MAST4: variants seen among roughly 807,000 people sequenced by gnomAD.
MAST4 encodes microtubule associated serine/threonine kinase family member 4, also known as microtubule-associated serine/threonine-protein kinase 4.
In MAST4, 89 loss-of-function variants were observed where a neutral mutation model predicts 162.7. The ratio of observed to expected loss-of-function variants is 0.55; its 90% CI spans 0.46 to 0.65. The LOEUF (loss-of-function observed/expected upper bound fraction) is 0.65, where lower values mean the gene tolerates loss of function less well. Ranked by LOEUF, MAST4 falls within the 30% of genes least tolerant of loss-of-function variation. MAST4 has a pLI of 0.00. For missense variants in MAST4, 3,153 were observed against 3,374.0 expected, an observed-to-expected ratio of 0.93 and a Z score of 1.62; for synonymous variants, 1,479 against 1,361.1, an observed-to-expected ratio of 1.09 and a Z score of -1.91.
rs1386965157 is a variant in MAST4 at position 66,635,975 on chromosome 5, T to TTTTTTC, written c.363+38957_363+38958insTTTTTC. Among the ~76,000 whole-genome samples the TTTTTTC allele has an allele frequency of 1.9e-4, 22 of 113,568 alleles. 1 individual carries two copies. Among genetic ancestry groups the TTTTTTC allele is most frequent in the African/African-American group, 6.6e-4 (17 of 25,794 alleles). 74.5% of individuals were successfully genotyped at this position (113,568 alleles called of 152,430 possible). On this transcript the variant is annotated intron_variant, in intron 1 of 28. Transcript: ENST00000403625. ...TTTTTTTTTTTTTTTTTTTTTTTTT[T>TTTTTTC]CGAGACAGAGTCTTGCTCTGTCACC...
At chr5:66,610,940 A>G (rs1269255284) in intron 1 of MAST4, among the ~76,000 whole-genome samples, 1 of 152,254 alleles carries the variant, frequency 6.6e-6, no homozygotes, top group Non-Finnish European at 1.5e-5. Flanking sequence ...AATGTCTCCT[A>G]CTGCTTTTCA....
intron 26 of MAST4, among the ~76,000 whole-genome samples, chr5:67,157,308 T>C (rs1036616212): frequency 7.2e-5 from 11 of 152,256 alleles, no homozygotes; most frequent in Non-Finnish European, 1.6e-4. Context: ...CTTTGGCGTA[T>C]GCCTGTAAGT....
intron 4 of MAST4, among the ~76,000 whole-genome samples, chr5:66,999,817 GGAT>G (rs766869497): frequency 2.1e-4 from 32 of 152,036 alleles, no homozygotes; most frequent in Middle Eastern, 3.4e-3. Context: ...GTATTTTCCA[GGAT>G]GATACAACCT....
At chr5:66,927,849 C>T (rs1012407893) in intron 4 of MAST4, among the ~76,000 whole-genome samples, 1 of 152,156 alleles carries the variant, frequency 6.6e-6, no homozygotes, top group African/African-American at 2.4e-5. Context: ...TTTGCAGGTT[C>T]GATTCCTACT....
At chr5:66,718,454 A>G (rs1247590975) in intron 1 of MAST4, among the ~76,000 whole-genome samples, 2 of 151,916 alleles carry the variant, frequency 1.3e-5, no homozygotes, top group African/African-American at 4.8e-5. Context: ...TGCCCAGGAG[A>G]GGCTGATATG....
chr5:66,776,793 G>A (rs1391688200), intron 2 of MAST4, among the ~76,000 whole-genome samples: 1 of 152,128 alleles, frequency 6.6e-6, no homozygotes, highest in Non-Finnish European at 1.5e-5. Context: ...AGATGCAGAA[G>A]TTACAGTGTA....
Position 67,153,489 on chromosome 5 carries a change from C to T in MAST4, c.3557C>T (p.Ala1186Val), listed in dbSNP as rs1772096792. 1 of 1,604,436 alleles carries T rather than the reference C, an allele frequency of 6.2e-7. No homozygotes were observed. Among genetic ancestry groups the T allele is most frequent in the Non-Finnish European group, 8.5e-7 (1 of 1,175,132 alleles). Reference protein sequence around the residue: ...NVEEGSPACQAGLKAGDLITH... With the variant: ...NVEEGSPACQVGLKAGDLITH... ...GAAGAAGGAAGTCCGGCATGCCAGG[C>T]AGGACTGAAGGCTGGAGATCTTATC... is the stretch of plus-strand genomic sequence containing the variant. The change falls in exon 26 of 29, where the codon GCA becomes GTA. Residue 1186 changes from alanine (A) to valine (V), a missense_variant. Coordinates refer to ENST00000403625, the MANE Select transcript of MAST4 (RefSeq NM_001164664.2).
At chr5:66,970,454 G>A (rs1014384736) in intron 4 of MAST4, among the ~76,000 whole-genome samples, 1 of 152,170 alleles carries the variant, frequency 6.6e-6, no homozygotes, top group South Asian at 2.1e-4. Flanking sequence ...AGTCTTGTGA[G>A]GTCAGATGGC....
chr5:66,616,526 G>T (rs994096985), intron 1 of MAST4, among the ~76,000 whole-genome samples: 2 of 152,290 alleles, frequency 1.3e-5, no homozygotes, highest in African/African-American at 4.8e-5. Context: ...CTCTTCCCAA[G>T]GGCCTTCTCA....
chr5:67,076,450 A>C (rs1288696760), intron 5 of MAST4, among the ~76,000 whole-genome samples: 9 of 152,228 alleles, frequency 5.9e-5, no homozygotes, highest in African/African-American at 2.2e-4. Flanking sequence ...CCTCAAATCC[A>C]GCTGTTACCC....
In MAST4 at chr5:67,142,535, T is replaced by C; in HGVS notation, c.2730+2T>C. On this transcript the variant is annotated splice_donor_variant, in intron 21 of 28. Coordinates refer to ENST00000403625, the MANE Select transcript of MAST4 (RefSeq NM_001164664.2). LOFTEE classifies it high-confidence loss of function. Reference sequence around the variant, plus strand: ...TCATGTTCACACAGGTTTTCAAAAGTAAGTGAAATGTGGCATAAACATACA... The same window carrying C: ...TCATGTTCACACAGGTTTTCAAAAGCAAGTGAAATGTGGCATAAACATACA... 1 of 1,543,852 alleles carries C rather than the reference T, an allele frequency of 6.5e-7. No individual in the cohort carries two copies. The highest frequency in any genetic ancestry group is 8.8e-7 in the Non-Finnish European group (1 of 1,133,170).
chr5:66,733,522 C>G (rs554663204), intron 1 of MAST4, among the ~76,000 whole-genome samples: 2 of 152,094 alleles, frequency 1.3e-5, no homozygotes, highest in Non-Finnish European at 2.9e-5. Flanking sequence ...TGCAGTGGTG[C>G]GATCTCGGCT....
At chr5:66,641,789 T>G (rs772028244) in intron 1 of MAST4, among the ~76,000 whole-genome samples, 5 of 152,182 alleles carry the variant, frequency 3.3e-5, no homozygotes, top group African/African-American at 1.2e-4. Flanking sequence ...TATAGAGGGT[T>G]GAAACACATT....
rs188315579 is a variant in MAST4 at position 67,109,586 on chromosome 5, C to T, written c.1357-512C>T. ...TTATCCAGCTAACACTTGAAAAAAG[C>T]ATTGCACACTTCTTACGTGTGATAA... On this transcript the variant is annotated intron_variant, in intron 10 of 28. Coordinates refer to ENST00000403625, the MANE Select transcript of MAST4 (RefSeq NM_001164664.2). 2.5e-3 allele frequency among the ~76,000 whole-genome samples: 383 copies of T among 152,238 alleles called. 7 individuals carry two copies. The highest frequency in any genetic ancestry group is 1.8e-3 in the Non-Finnish European group (121 of 67,990).
At chr5:67,125,876 A>G (rs1442943252) in intron 14 of MAST4, among the ~76,000 whole-genome samples, 3 of 152,236 alleles carry the variant, frequency 2.0e-5, no homozygotes, top group Non-Finnish European at 4.4e-5. Context: ...CCAACAGTGT[A>G]AAAACATTCC....
intron 3 of MAST4, among the ~76,000 whole-genome samples, chr5:66,889,797 C>A (rs1762256147): frequency 6.6e-6 from 1 of 152,214 alleles, no homozygotes; most frequent in African/African-American, 2.4e-5. Context: ...TAGCATTAAT[C>A]TTCTCAACAC....
intron 4 of MAST4, among the ~76,000 whole-genome samples, chr5:66,951,630 G>GTGTGTGTA (rs1554072449): frequency 6.8e-6 from 1 of 147,126 alleles, no homozygotes; most frequent in Admixed American, 6.7e-5. Context: ...GTGTGTGTGT[G>GTGTGTGTA]TGTGTGTGTG....
intron 5 of MAST4, among the ~76,000 whole-genome samples, chr5:67,059,422 G>A (rs1023331261): frequency 3.3e-5 from 5 of 152,218 alleles, no homozygotes; most frequent in Middle Eastern, 3.4e-3. Flanking sequence ...AATAACTAGG[G>A]GACTGGAATT....
At chr5:66,825,950 A>G (rs1410723233) in intron 3 of MAST4, among the ~76,000 whole-genome samples, 2 of 152,210 alleles carry the variant, frequency 1.3e-5, no homozygotes, top group Non-Finnish European at 2.9e-5. Context: ...GAGTTTATTA[A>G]TGGAAATTAG....
Sources: gnomAD v4.1 joint callset for allele counts (sites outside exome capture counted in the v4.1 genomes callset) on GRCh38, gnomAD v4.1.1 for gene constraint, MANE v1.5 for transcripts, NCBI Gene and HGNC (gene_info 2026-07-23, HGNC 2026-07-21) for gene names.